The following RGPD4 variants were observed in gnomAD, a reference collection of about 807,000 sequenced individuals.
The protein encoded by RGPD4 is RANBP2 like and GRIP domain containing 4.
In RGPD4, 84 loss-of-function variants were observed where a neutral mutation model predicts 141.1. The ratio of observed to expected loss-of-function variants is 0.60; its 90% CI spans 0.50 to 0.71. The LOEUF is 0.71. RGPD4 is among the 30% of genes least tolerant of loss of function. The pLI is 0.00. For synonymous variants in RGPD4, 298 were observed against 566.8 expected, an observed-to-expected ratio of 0.53 and a Z score of 6.74; for missense variants, 918 against 1,622.4, an observed-to-expected ratio of 0.57 and a Z score of 7.46.
At chr2:107,829,613 C>G (rs999752296) in intron 1 of RGPD4, among the ~76,000 whole-genome samples, 3 of 152,102 alleles carry the variant, frequency 2.0e-5, no homozygotes, top group Admixed American at 1.3e-4. Flanking sequence ...CAGGCGGGCT[C>G]TGTTGAGGCG....
chr2:107,834,682 T>C (rs1196922503), intron 1 of RGPD4, among the ~76,000 whole-genome samples: 15 of 147,860 alleles, frequency 1.0e-4, no homozygotes, highest in Non-Finnish European at 2.1e-4. Flanking sequence ...AGAAGCCATA[T>C]AGTGCTTCCT....
At chr2:107,840,869 G>A (rs1681778460) in intron 4 of RGPD4, among the ~76,000 whole-genome samples, 1 of 69,274 alleles carries the variant, frequency 1.4e-5, no homozygotes, top group Non-Finnish European at 3.2e-5. Flanking sequence ...CACCCACTTT[G>A]GCCTCCCAAA....
Position 107,859,733 on chromosome 2 carries a change from C to A in RGPD4, c.1646C>A (p.Ser549Ter). 6.2e-7 allele frequency: 1 copy of A among 1,611,128 alleles called. No homozygotes were observed. Among genetic ancestry groups the A allele is most frequent in the East Asian group, 2.2e-5 (1 of 44,842 alleles). The change falls in exon 12 of 23, where the codon TCA becomes TAA. Residue 549 changes from serine (S) to a stop codon, truncating the protein, a stop_gained. Transcript: ENST00000408999. LOFTEE classifies it high-confidence loss of function. The part of the protein sequence containing the change: ...LIHRKAVPGN[S>*]AKLRLLVQHE... ...GAACTATTTTTTAGACCTGGAAACT[C>A]AGCAAAATTGAGACTTTTAGTTCAG...
intron 8 of RGPD4, among the ~76,000 whole-genome samples, chr2:107,856,057 T>C (rs545879220): frequency 3.2e-4 from 44 of 139,374 alleles, no homozygotes; most frequent in African/African-American, 1.3e-3. Flanking sequence ...AATAATTCTT[T>C]TTTTTTTTTT....
At chr2:107,881,858 G>A (rs1675375682) in intron 21 of RGPD4, among the ~76,000 whole-genome samples, 1 of 151,344 alleles carries the variant, frequency 6.6e-6, no homozygotes, top group Non-Finnish European at 1.5e-5. Context: ...GTTTTACATT[G>A]TCTTATATTC....
At chr2:107,830,982 A>G (rs1291774080) in intron 1 of RGPD4, among the ~76,000 whole-genome samples, 2 of 152,078 alleles carry the variant, frequency 1.3e-5, no homozygotes, top group Non-Finnish European at 2.9e-5. Flanking sequence ...CCGAGAGACC[A>G]GCCTGACCAA....
At chr2:107,840,194 C>T (rs1243494545) in intron 4 of RGPD4, among the ~76,000 whole-genome samples, 29 of 152,102 alleles carry the variant, frequency 1.9e-4, no homozygotes, top group Admixed American at 1.8e-3. Context: ...TGTAGTCCTG[C>T]TATTTACTTC....
Position 107,866,954 on chromosome 2 carries a change from G to A in RGPD4, c.2605+629G>A, listed in dbSNP as rs553363748. ...ATACAGTAAACAGTTAATGAACTAAGGTTACTAATAGTGTTTACTGTGGGT... is the reference window on the plus strand; with the variant it reads ...ATACAGTAAACAGTTAATGAACTAAAGTTACTAATAGTGTTTACTGTGGGT... On this transcript the variant is annotated intron_variant, in intron 18 of 22. Coordinates refer to ENST00000408999, the MANE Select transcript of RGPD4 (RefSeq NM_182588.3). Among the ~76,000 whole-genome samples the A allele has an allele frequency of 2.2e-4, 33 of 149,758 alleles. No individual in the cohort carries two copies. In the East Asian group the frequency reaches 3.5e-3, roughly 16 times the overall value.
rs1683001294 is a variant in RGPD4, at chr2:107,873,491, T to C, written c.4924+563T>C. ...CAGGAGGTTGAGGCAGGAGGATCGC[T>C]TGAGCACAGGAGATGGAGGTAGCAG... is the stretch of plus-strand genomic sequence containing the variant. On this transcript the variant is annotated intron_variant, in intron 20 of 22. Coordinates refer to ENST00000408999, the MANE Select transcript of RGPD4 (RefSeq NM_182588.3). Among the ~76,000 whole-genome samples, 3 of 146,318 alleles carry C rather than the reference T, an allele frequency of 2.1e-5. 1 individual carries two copies. In the South Asian group the frequency reaches 6.6e-4, roughly 32 times the overall value.
intron 8 of RGPD4, 123 bp downstream of exon 8, chr2:107,854,766 A>T (rs1405329037): frequency 1.5e-6 from 2 of 1,371,894 alleles, no homozygotes; most frequent in South Asian, 1.4e-5. Flanking sequence ...TTTTCGCCGT[A>T]TCAGTTAAGA....
chr2:107,875,308 C>A (rs1270925028), intron 20 of RGPD4, among the ~76,000 whole-genome samples: 1 of 51,932 alleles, frequency 1.9e-5, no homozygotes, highest in Non-Finnish European at 4.0e-5. Context: ...ATTTTAACTT[C>A]TAATTAATAC....
intron 1 of RGPD4, among the ~76,000 whole-genome samples, chr2:107,830,048 A>G (rs1261782928): frequency 3.3e-5 from 5 of 151,836 alleles, no homozygotes; most frequent in Non-Finnish European, 5.9e-5. Flanking sequence ...ATGACACGGA[A>G]AGTCCCCTTG....
intron 22 of RGPD4, among the ~76,000 whole-genome samples, chr2:107,884,152 C>T (rs1362253505): frequency 6.6e-6 from 1 of 151,692 alleles, no homozygotes; most frequent in Non-Finnish European, 1.5e-5. Context: ...GCTCTGTCAC[C>T]CTGGCTGGAG....
At chr2:107,832,965 CT>C (rs1296561056) in intron 1 of RGPD4, among the ~76,000 whole-genome samples, 1 of 147,744 alleles carries the variant, frequency 6.8e-6, no homozygotes, top group Non-Finnish European at 1.5e-5. Flanking sequence ...TCTAATTTTT[CT>C]CTTATTCTCC....
rs535461590 is a variant in RGPD4, at chr2:107,869,294, A to C, written c.2606-589A>C. On this transcript the variant is annotated intron_variant, in intron 18 of 22. Coordinates refer to ENST00000408999, the MANE Select transcript of RGPD4 (RefSeq NM_182588.3). ...TCTAGTTGTTTTGTTTCCTGGTAAA[A>C]CAGACCAAACAGAGGGAGCAGACAG... 9.7e-5 allele frequency among the ~76,000 whole-genome samples: 7 copies of C among 71,960 alleles called. 2 individuals carry two copies. The South Asian group carries it at 3.7e-3, about 38-fold the overall frequency. 47.2% of individuals were successfully genotyped at this position (71,960 alleles called of 152,430 possible).
chr2:107,845,544 G>T (rs1000149172), intron 6 of RGPD4, among the ~76,000 whole-genome samples: 1 of 151,886 alleles, frequency 6.6e-6, no homozygotes, highest in East Asian at 1.9e-4. Context: ...TAAAAAGCTG[G>T]TGCCACCCTA....
rs763606822 is a variant in RGPD4, at chr2:107,859,844, T to G, written c.1757T>G (p.Met586Arg). The G allele has an allele frequency of 1.3e-6, 2 of 1,597,832 alleles. No homozygotes were observed. Among genetic ancestry groups the G allele is most frequent in the East Asian group, 4.5e-5 (2 of 44,736 alleles). The change falls in exon 12 of 23, where the codon ATG becomes AGG. Residue 586 changes from methionine (M) to arginine (R), a missense_variant and splice_region_variant. By Grantham distance (91) the Met-to-Arg change is moderately conservative. Transcript: ENST00000408999. ...LVHWAKCLQK[M>R]GSGLNSFYDQ... ...CATTGGGCAAAATGCCTTCAGAAAATGGTGAGTTTTAAAGTATAAGCATTT... is the reference window on the plus strand; with the variant it reads ...CATTGGGCAAAATGCCTTCAGAAAAGGGTGAGTTTTAAAGTATAAGCATTT...
At chr2:107,858,119 A>T (rs1362977970) in intron 9 of RGPD4, among the ~76,000 whole-genome samples, 5 of 152,008 alleles carry the variant, frequency 3.3e-5, no homozygotes, top group Non-Finnish European at 1.5e-5. Context: ...TTAAAACTAT[A>T]AATATCACTT....
At chr2:107,847,845 A>AAAG (rs1682007780) in intron 6 of RGPD4, among the ~76,000 whole-genome samples, 1 of 106,290 alleles carries the variant, frequency 9.4e-6, no homozygotes, top group Non-Finnish European at 2.0e-5. Context: ...AAAAAAAAAA[A>AAAG]GACAATTTAT....
Sources: gnomAD v4.1 joint callset for allele counts (sites outside exome capture counted in the v4.1 genomes callset) on GRCh38, gnomAD v4.1.1 for gene constraint, MANE v1.5 for transcripts, NCBI Gene and HGNC (gene_info 2026-07-23, HGNC 2026-07-21) for gene names.